Variants in PTPRG observed in about 807,000 individuals in gnomAD.
PTPRG encodes receptor-type tyrosine-protein phosphatase gamma.
Under a neutral mutation model 165.3 loss-of-function variants are expected in PTPRG, and 102 were observed. The ratio of observed to expected loss-of-function variants is 0.62; its 90% CI spans 0.53 to 0.73. PTPRG has a LOEUF of 0.73. PTPRG is among the 30% of genes least tolerant of loss of function. The pLI, the probability that PTPRG is intolerant of heterozygous loss-of-function variation, is 0.00. For missense variants in PTPRG, 1,866 were observed against 1,861.4 expected, an observed-to-expected ratio of 1.00 and a Z score of -0.05; for synonymous variants, 675 against 669.5, an observed-to-expected ratio of 1.01 and a Z score of -0.13.
intron 2 of PTPRG, among the ~76,000 whole-genome samples, chr3:61,983,016 CA>C (rs2040676331): frequency 6.6e-6 from 1 of 152,092 alleles, no homozygotes; most frequent in Admixed American, 6.6e-5. Flanking sequence ...ATGTGTATTT[CA>C]TTATTTGCAA....
chr3:62,286,424 G>A (rs1307500409), intron 28 of PTPRG, among the ~76,000 whole-genome samples: 1 of 152,018 alleles, frequency 6.6e-6, no homozygotes, highest in Non-Finnish European at 1.5e-5. Flanking sequence ...TCTTGGTTAT[G>A]ATTTTAAAAA....
chr3:62,075,669 T>C (rs1167869873), intron 4 of PTPRG, among the ~76,000 whole-genome samples: 3 of 152,230 alleles, frequency 2.0e-5, no homozygotes, highest in Non-Finnish European at 4.4e-5. Context: ...GAAATGCCGT[T>C]GTATTCTTAG....
At chr3:61,816,005 T>G (rs1438841540) in intron 2 of PTPRG, among the ~76,000 whole-genome samples, 1 of 152,092 alleles carries the variant, frequency 6.6e-6, no homozygotes, top group Non-Finnish European at 1.5e-5. Flanking sequence ...GATCTCTTGA[T>G]AGCAAAACTG....
At chr3:62,049,132 C>T (rs1329391517) in intron 4 of PTPRG, among the ~76,000 whole-genome samples, 2 of 148,616 alleles carry the variant, frequency 1.3e-5, no homozygotes, top group African/African-American at 4.9e-5. Flanking sequence ...AAAAAAAAAA[C>T]AGAAGCCGGG....
At chr3:61,581,640 C>T (rs1214224958) in intron 1 of PTPRG, among the ~76,000 whole-genome samples, 1 of 147,918 alleles carries the variant, frequency 6.8e-6, no homozygotes, top group Middle Eastern at 3.2e-3. Flanking sequence ...GAGACAGTCT[C>T]GCTCTGTCCC....
chr3:61,717,090 G>T (rs1387235955), intron 1 of PTPRG, among the ~76,000 whole-genome samples: 1 of 152,184 alleles, frequency 6.6e-6, no homozygotes, highest in Non-Finnish European at 1.5e-5. Context: ...TGATGCTCTT[G>T]TTTAATTGTT....
chr3:61,955,746 C>G (rs560160952), intron 2 of PTPRG, among the ~76,000 whole-genome samples: 1 of 152,124 alleles, frequency 6.6e-6, no homozygotes, highest in Non-Finnish European at 1.5e-5. Context: ...TATTATGTTT[C>G]AGTTCTACTG....
intron 2 of PTPRG, among the ~76,000 whole-genome samples, chr3:61,811,690 A>G (rs1482305792): frequency 2.6e-5 from 4 of 152,220 alleles, no homozygotes; most frequent in African/African-American, 7.2e-5. Context: ...AACAAAGACA[A>G]TATGCATTAT....
intron 4 of PTPRG, 115 bp downstream of exon 4, chr3:62,003,612 C>A: frequency 7.5e-7 from 1 of 1,326,040 alleles, no homozygotes; most frequent in Non-Finnish European, 1.0e-6. Flanking sequence ...TACCTAACTT[C>A]CTCTCTCTGG....
intron 2 of PTPRG, among the ~76,000 whole-genome samples, chr3:61,834,999 T>G (rs1343644669): frequency 2.6e-5 from 4 of 152,192 alleles, no homozygotes; most frequent in African/African-American, 9.6e-5. Flanking sequence ...TGTTTAATAA[T>G]TACAATCCTT....
intron 1 of PTPRG, among the ~76,000 whole-genome samples, chr3:61,727,461 A>C (rs953378455): frequency 6.6e-6 from 1 of 152,226 alleles, no homozygotes. Flanking sequence ...CCATATCAAA[A>C]AGTTAAAACC....
intron 1 of PTPRG, among the ~76,000 whole-genome samples, chr3:61,716,588 G>C (rs1249959958): frequency 1.3e-5 from 2 of 151,938 alleles, no homozygotes; most frequent in African/African-American, 4.8e-5. Flanking sequence ...CTTATTGTTG[G>C]GTTATGAAGT....
rs543480782 is a variant in PTPRG at position 61,934,990 on chromosome 3, T to A, written c.191-54635T>A. ...CTTTGGAACTTCTTGAGTGCGGAGT[T>A]CCCAACACGTCCCTTCCACCTTCCT... On this transcript the variant is annotated intron_variant, in intron 2 of 29. Coordinates refer to ENST00000474889, the MANE Select transcript of PTPRG (RefSeq NM_002841.4). 7.6e-4 allele frequency among the ~76,000 whole-genome samples: 115 copies of A among 152,228 alleles called. 1 individual carries two copies. The highest frequency in any genetic ancestry group is 3.4e-3 in the Middle Eastern group (1 of 294).
intron 4 of PTPRG, among the ~76,000 whole-genome samples, chr3:62,028,979 G>T (rs2107777592): frequency 6.6e-6 from 1 of 152,290 alleles, no homozygotes; most frequent in Non-Finnish European, 1.5e-5. Context: ...GGTCCATCTT[G>T]GGTCAGGTGG....
chr3:61,715,169 CT>C (rs11392995), intron 1 of PTPRG, among the ~76,000 whole-genome samples: 1 of 148,468 alleles, frequency 6.7e-6, no homozygotes, highest in East Asian at 2.0e-4. Context: ...CTCCTGCTTG[CT>C]TTTTTTTTCT....
intron 2 of PTPRG, among the ~76,000 whole-genome samples, chr3:61,821,356 A>T (rs966226009): frequency 2.0e-5 from 3 of 152,086 alleles, no homozygotes; most frequent in African/African-American, 7.2e-5. Context: ...TTTTTAGTAG[A>T]GACGGGGTTT....
At chr3:61,659,194 G>A in intron 1 of PTPRG, 1 of 570,892 alleles carries the variant, frequency 1.8e-6, no homozygotes, top group African/African-American at 2.0e-5. Context: ...ACAGGATGCT[G>A]ATGGTTTTAT....
chr3:62,275,969 A>G lies in PTPRG; in HGVS notation c.3559+3A>G. Reference sequence around the variant, plus strand: ...CAGAAACTCTTCAGTTGTGCCATGTAAGACTTTAAAACAGTTTGTTAGTGA... The same window carrying G: ...CAGAAACTCTTCAGTTGTGCCATGTGAGACTTTAAAACAGTTTGTTAGTGA... On this transcript the variant is annotated splice_donor_region_variant and intron_variant, in intron 24 of 29. Transcript: ENST00000474889. 9 of 1,594,074 alleles carry G rather than the reference A, an allele frequency of 5.6e-6. No individual in the cohort carries two copies. The East Asian group carries it at 6.7e-5, about 12-fold the overall frequency.
At chr3:61,800,816 G>A (rs1365232894) in intron 2 of PTPRG, among the ~76,000 whole-genome samples, 1 of 151,934 alleles carries the variant, frequency 6.6e-6, no homozygotes, top group African/African-American at 2.4e-5. Flanking sequence ...GCTAATTTTT[G>A]TACTTTTAGT....
Sources: allele counts gnomAD v4.1 joint callset (sites outside exome capture counted in the v4.1 genomes callset), GRCh38; gene constraint gnomAD v4.1.1; transcripts MANE v1.5; gene names NCBI Gene and HGNC (gene_info 2026-07-23, HGNC 2026-07-21).